KCND2: variants seen among roughly 807,000 people sequenced by gnomAD.
KCND2 encodes the protein potassium voltage-gated channel subfamily D member 2.
KCND2 carries 16 observed loss-of-function variants against 54.4 expected under a neutral mutation model. That is an observed-to-expected ratio of 0.29 (90% CI 0.20 to 0.45). KCND2 has a LOEUF of 0.45. Ranked by LOEUF, KCND2 falls within the 20% of genes least tolerant of loss-of-function variation. The probability of loss-of-function intolerance (pLI) is 1.00; values close to 1 mark genes in which losing one functional copy is unlikely to be tolerated. For missense variants in KCND2, 486 were observed against 824.2 expected, an observed-to-expected ratio of 0.59 and a Z score of 5.02; for synonymous variants, 317 against 310.7, an observed-to-expected ratio of 1.02 and a Z score of -0.21.
chr7:120,491,607 C>A (rs931469116), intron 1 of KCND2, among the ~76,000 whole-genome samples: 1 of 151,986 alleles, frequency 6.6e-6, no homozygotes, highest in African/African-American at 2.4e-5. Context: ...ACAGTCATAT[C>A]TAAGTATTAA....
At chr7:120,435,259 A>G (rs1019734358) in intron 1 of KCND2, among the ~76,000 whole-genome samples, 2 of 140,468 alleles carry the variant, frequency 1.4e-5, no homozygotes, top group Non-Finnish European at 3.1e-5. Flanking sequence ...GGCGTGCACC[A>G]CCATGCCTGG....
intron 1 of KCND2, among the ~76,000 whole-genome samples, chr7:120,343,812 T>C (rs1047696789): frequency 1.3e-5 from 2 of 152,192 alleles, no homozygotes; most frequent in African/African-American, 4.8e-5. Flanking sequence ...TTTCACATGA[T>C]ATTCAGGGTT....
intron 1 of KCND2, among the ~76,000 whole-genome samples, chr7:120,492,611 G>A (rs552246747): frequency 2.0e-5 from 3 of 152,118 alleles, no homozygotes; most frequent in Non-Finnish European, 2.9e-5. Flanking sequence ...GTCCTGAAAC[G>A]CAAAGCAGCT....
rs936549854 is a variant in KCND2, at chr7:120,512,179, C to T, written c.1116-220724C>T. ...AACCTTCAAAAGAATTAATGTATTTCAAAAAACACAATGTTTAAGTGCCCA... is the reference window on the plus strand; with the variant it reads ...AACCTTCAAAAGAATTAATGTATTTTAAAAAACACAATGTTTAAGTGCCCA... On this transcript the variant is annotated intron_variant, in intron 1 of 5. Coordinates refer to ENST00000331113, the MANE Select transcript of KCND2 (RefSeq NM_012281.3). Among the ~76,000 whole-genome samples, 13 of 151,838 alleles carry T rather than the reference C, an allele frequency of 8.6e-5. No individual in the cohort carries two copies. In the East Asian group the frequency reaches 2.5e-3, roughly 29 times the overall value.
intron 1 of KCND2, among the ~76,000 whole-genome samples, chr7:120,514,833 C>A (rs1803172600): frequency 6.6e-6 from 1 of 151,994 alleles, no homozygotes; most frequent in South Asian, 2.1e-4. Flanking sequence ...TCATGCTCCT[C>A]TAAGAATCTA....
chr7:120,385,722 A>G (rs1205921075), intron 1 of KCND2, among the ~76,000 whole-genome samples: 3 of 151,484 alleles, frequency 2.0e-5, no homozygotes, highest in Non-Finnish European at 4.4e-5. Flanking sequence ...ATGAATGTCT[A>G]GTTCAAGACA....
rs116879301 is a variant in KCND2 at position 120,457,568 on chromosome 7, A to T, written c.1115+181821A>T. Among the ~76,000 whole-genome samples, 154 of 152,282 alleles carry T rather than the reference A, an allele frequency of 1.0e-3. 1 individual carries two copies. In the East Asian group the frequency reaches 0.026, roughly 26 times the overall value. ...AATTTTTTCATCTTCATCTGAGATC[A>T]CCTCAGCCTGGATTTTATTGTCCAT... On this transcript the variant is annotated intron_variant, in intron 1 of 5. Coordinates refer to ENST00000331113, the MANE Select transcript of KCND2 (RefSeq NM_012281.3).
intron 1 of KCND2, among the ~76,000 whole-genome samples, chr7:120,503,124 A>C (rs559965705): frequency 6.6e-6 from 1 of 152,144 alleles, no homozygotes; most frequent in African/African-American, 2.4e-5. Context: ...AATCTACTGA[A>C]CTTCAGCCTT....
intron 1 of KCND2, among the ~76,000 whole-genome samples, chr7:120,566,990 T>G (rs1792307149): frequency 6.6e-6 from 1 of 152,024 alleles, no homozygotes; most frequent in Non-Finnish European, 1.5e-5. Context: ...CAGCAAACAT[T>G]TTGTCTGTGT....
Position 120,690,975 on chromosome 7 carries a change from A to G in KCND2, c.1116-41928A>G, listed in dbSNP as rs1326852338. On this transcript the variant is annotated intron_variant, in intron 1 of 5. Transcript: ENST00000331113. ...GAAATTTTAAGTAGTGTGGTCAGAA[A>G]AGTCTACACCAAGAAGATGACATTT... Among the ~76,000 whole-genome samples, 3 of 152,330 alleles carry G rather than the reference A, an allele frequency of 2.0e-5. No homozygotes were observed. In the East Asian group the frequency reaches 5.8e-4, roughly 29 times the overall value.
chr7:120,734,244 G>C (rs1321662792), intron 2 of KCND2, among the ~76,000 whole-genome samples: 1 of 152,122 alleles, frequency 6.6e-6, no homozygotes, highest in Non-Finnish European at 1.5e-5. Flanking sequence ...TGGCACAAGA[G>C]TGGGTTACAG....
chr7:120,403,560 C>T (rs1801299301), intron 1 of KCND2, among the ~76,000 whole-genome samples: 1 of 150,170 alleles, frequency 6.7e-6, no homozygotes, highest in African/African-American at 2.5e-5. Flanking sequence ...AAACTTCTGA[C>T]CTCAAATGAT....
chr7:120,275,790 T>G (rs1291909674), intron 1 of KCND2, 43 bp downstream of exon 1: 1 of 1,591,144 alleles, frequency 6.3e-7, no homozygotes, highest in Non-Finnish European at 8.5e-7. Flanking sequence ...TGGGTATGGG[T>G]GAGGCGATTG....
intron 1 of KCND2, among the ~76,000 whole-genome samples, chr7:120,477,098 G>C (rs980567858): frequency 1.3e-5 from 2 of 152,110 alleles, no homozygotes; most frequent in African/African-American, 2.4e-5. Context: ...TGACAGAATA[G>C]CTTGGATTTG....
At chr7:120,587,561 A>G (rs960587664) in intron 1 of KCND2, among the ~76,000 whole-genome samples, 1 of 152,166 alleles carries the variant, frequency 6.6e-6, no homozygotes, top group African/African-American at 2.4e-5. Flanking sequence ...AGATTTCCTA[A>G]CAGATATATC....
intron 1 of KCND2, among the ~76,000 whole-genome samples, chr7:120,361,297 A>T (rs962766862): frequency 1.3e-5 from 2 of 151,986 alleles, no homozygotes; most frequent in Non-Finnish European, 2.9e-5. Context: ...AGCAAAAAAG[A>T]TCTGTTTCCC....
chr7:120,663,506 A>G (rs961302028), intron 1 of KCND2, among the ~76,000 whole-genome samples: 9 of 152,196 alleles, frequency 5.9e-5, no homozygotes, highest in African/African-American at 2.2e-4. Context: ...TAAAATTACT[A>G]AATTATTTAA....
chr7:120,607,256 C>A (rs1792893381), intron 1 of KCND2, among the ~76,000 whole-genome samples: 2 of 151,734 alleles, frequency 1.3e-5, no homozygotes, highest in South Asian at 4.2e-4. Context: ...TTCCAGACTT[C>A]TGAAAAATTG....
intron 1 of KCND2, among the ~76,000 whole-genome samples, chr7:120,528,835 A>G (rs1436193560): frequency 1.3e-5 from 2 of 152,164 alleles, no homozygotes; most frequent in East Asian, 3.9e-4. Context: ...GTGCTGACCT[A>G]TGATTTATAT....
Sources: allele counts gnomAD v4.1 joint callset (sites outside exome capture counted in the v4.1 genomes callset), GRCh38; gene constraint gnomAD v4.1.1; transcripts MANE v1.5; gene names NCBI Gene and HGNC (gene_info 2026-07-23, HGNC 2026-07-21).